GRM8: variants seen among roughly 807,000 people sequenced by gnomAD.
GRM8 encodes metabotropic glutamate receptor 8.
Under a neutral mutation model 87.2 loss-of-function variants are expected in GRM8, and 47 were observed. That is an observed-to-expected ratio of 0.54 (90% CI 0.43 to 0.69). The LOEUF is 0.69. GRM8 is among the 30% of genes least tolerant of loss of function. GRM8 has a pLI of 0.00. For synonymous variants in GRM8, 396 were observed against 404.5 expected, an observed-to-expected ratio of 0.98 and a Z score of 0.25; for missense variants, 1,019 against 1,139.2, an observed-to-expected ratio of 0.89 and a Z score of 1.52.
intron 9 of GRM8, among the ~76,000 whole-genome samples, chr7:126,469,886 A>C (rs560151082): frequency 9.2e-5 from 14 of 152,300 alleles, no homozygotes; most frequent in African/African-American, 3.4e-4. Context: ...GGAACTGGGA[A>C]CAGGCAGAGG....
intron 9 of GRM8, among the ~76,000 whole-genome samples, chr7:126,462,253 A>G (rs1198889775): frequency 6.7e-6 from 1 of 148,424 alleles, no homozygotes; most frequent in Non-Finnish European, 1.5e-5. Flanking sequence ...ATAAAAAAGC[A>G]CATCTAGCTA....
chr7:127,193,485 C>T (rs551898177), intron 2 of GRM8, among the ~76,000 whole-genome samples: 25 of 152,274 alleles, frequency 1.6e-4, no homozygotes, highest in Non-Finnish European at 2.8e-4. Context: ...GCAGGTAGGT[C>T]AACTCCGCAG....
chr7:126,726,938 A>T (rs1053050506), intron 7 of GRM8, among the ~76,000 whole-genome samples: 2 of 152,104 alleles, frequency 1.3e-5, no homozygotes, highest in African/African-American at 4.8e-5. Flanking sequence ...AGCACTTAAT[A>T]TAAATTTACA....
At chr7:126,644,547 G>C (rs917921500) in intron 7 of GRM8, among the ~76,000 whole-genome samples, 1 of 152,108 alleles carries the variant, frequency 6.6e-6, no homozygotes, top group African/African-American at 2.4e-5. Context: ...GAAAACATTG[G>C]CTAGTTTTCT....
intron 3 of GRM8, among the ~76,000 whole-genome samples, chr7:127,088,736 G>C (rs1283588041): frequency 6.6e-6 from 1 of 152,176 alleles, no homozygotes; most frequent in Non-Finnish European, 1.5e-5. Flanking sequence ...TGTTGTAGGA[G>C]AGCATCACAC....
chr7:126,743,513 T>G (rs17150214), intron 7 of GRM8, among the ~76,000 whole-genome samples: 4,267 of 152,126 alleles, frequency 0.028, 223 homozygotes, highest in African/African-American at 0.098. Flanking sequence ...AAAAAGAATA[T>G]GCACCTGGAG....
chr7:127,106,827 GC>G (rs1195498789), intron 2 of GRM8, 115 bp from the exon 3 acceptor site: 74 of 713,886 alleles, frequency 1.0e-4, no homozygotes, highest in Non-Finnish European at 7.9e-5. Flanking sequence ...TCAACCTGAA[GC>G]CAAAATACAG....
chr7:126,989,747 GC>G (rs1366645289), intron 3 of GRM8, among the ~76,000 whole-genome samples: 6 of 152,180 alleles, frequency 3.9e-5, no homozygotes, highest in African/African-American at 1.4e-4. Context: ...TTTGAGACCA[GC>G]CTGGGCAACA....
At chr7:126,631,567 G>A (rs1055028910) in intron 7 of GRM8, among the ~76,000 whole-genome samples, 6 of 151,388 alleles carry the variant, frequency 4.0e-5, no homozygotes, top group African/African-American at 1.2e-4. Context: ...AAAAAAACTC[G>A]CATAGGCAAG....
At chr7:127,169,852 A>G (rs1424220110) in intron 2 of GRM8, among the ~76,000 whole-genome samples, 1 of 152,208 alleles carries the variant, frequency 6.6e-6, no homozygotes, top group Admixed American at 6.5e-5. Context: ...TGAAAATTTT[A>G]AGCCCACTGT....
chr7:126,589,290 C>G (rs1420742123), intron 8 of GRM8, among the ~76,000 whole-genome samples: 2 of 152,138 alleles, frequency 1.3e-5, no homozygotes, highest in Non-Finnish European at 2.9e-5. Flanking sequence ...CGGGGAGGCA[C>G]AGTGAGAGTG....
intron 6 of GRM8, among the ~76,000 whole-genome samples, chr7:126,849,526 G>A (rs1282877755): frequency 6.6e-6 from 1 of 152,138 alleles, no homozygotes; most frequent in Non-Finnish European, 1.5e-5. Flanking sequence ...ATGAATTAAT[G>A]TTTGCTTAAT....
chr7:126,871,901 C>T (rs1183387841), intron 6 of GRM8, among the ~76,000 whole-genome samples: 1 of 152,120 alleles, frequency 6.6e-6, no homozygotes, highest in Admixed American at 6.6e-5. Flanking sequence ...AAAGAGACAA[C>T]TTTGTGGTTG....
intron 9 of GRM8, among the ~76,000 whole-genome samples, chr7:126,522,638 T>C (rs757100274): frequency 1.2e-4 from 18 of 152,230 alleles, no homozygotes; most frequent in Non-Finnish European, 2.1e-4. Context: ...AACAGGTTTT[T>C]GGTCACAGGT....
intron 7 of GRM8, among the ~76,000 whole-genome samples, chr7:126,671,893 C>T (rs1232645307): frequency 6.6e-6 from 1 of 152,142 alleles, no homozygotes; most frequent in Non-Finnish European, 1.5e-5. Flanking sequence ...CCAGTTTGAC[C>T]TTAGCATTTG....
chr7:127,211,395 G>A (rs1294320712), intron 2 of GRM8, among the ~76,000 whole-genome samples: 1 of 152,160 alleles, frequency 6.6e-6, no homozygotes, highest in Non-Finnish European at 1.5e-5. Context: ...TAGTCATTCC[G>A]CATTCTTCTG....
At chr7:126,452,493 T>C (rs1213881581) in intron 9 of GRM8, among the ~76,000 whole-genome samples, 1 of 150,344 alleles carries the variant, frequency 6.7e-6, no homozygotes, top group East Asian at 2.0e-4. Context: ...ATCTTTTGAG[T>C]TGGTGTGAGT....
At chr7:126,598,761 G>A (rs931523761) in intron 8 of GRM8, among the ~76,000 whole-genome samples, 5 of 152,068 alleles carry the variant, frequency 3.3e-5, no homozygotes, top group African/African-American at 1.2e-4. Flanking sequence ...ACATTCTCCT[G>A]AAGCTTAAAT....
chr7:126,800,080 C>T (rs1585986932), intron 6 of GRM8, among the ~76,000 whole-genome samples: 2 of 152,060 alleles, frequency 1.3e-5, no homozygotes. Flanking sequence ...AGTATGATGA[C>T]ATGGTTATCC....
Sources: allele counts gnomAD v4.1 joint callset (sites outside exome capture counted in the v4.1 genomes callset), GRCh38; gene constraint gnomAD v4.1.1; transcripts MANE v1.5; gene names NCBI Gene and HGNC (gene_info 2026-07-23, HGNC 2026-07-21).